Variants in PCID2 observed in about 807,000 individuals in gnomAD.
PCID2 encodes the protein PCI domain containing 2, also known as PCI domain-containing protein 2.
In PCID2, 41 loss-of-function variants were observed where a neutral mutation model predicts 61.3. The ratio of observed to expected loss-of-function variants is 0.67; its 90% confidence interval spans 0.52 to 0.87. The LOEUF (loss-of-function observed/expected upper bound fraction) is 0.87. Ranked by LOEUF, PCID2 falls within the 40% of genes least tolerant of loss-of-function variation. The pLI, the probability that PCID2 is intolerant of heterozygous loss-of-function variation, is 0.00. For synonymous variants in PCID2, 187 were observed against 177.8 expected (o/e 1.05, Z -0.41); for missense variants, 392 against 493.4 (o/e 0.79, Z 1.95).
rs1365007149 is a variant in PCID2 at position 113,179,936 on chromosome 13, T to G, written c.967A>C (p.Arg323=). 1.9e-6 allele frequency: 3 copies of G among 1,613,544 alleles called. No individual in the cohort carries two copies. Among genetic ancestry groups the G allele is most frequent in the Non-Finnish European group, 2.5e-6 (3 of 1,179,846 alleles). The change falls in exon 12 of 14, where the codon AGG becomes CGG. Residue 323 remains arginine, a synonymous_variant. Coordinates refer to ENST00000337344, the MANE Select transcript of PCID2 (RefSeq NM_001127202.4). The surrounding 1 kb of genome is among the most constrained non-coding windows in gnomAD (Gnocchi z 4.3). The part of the protein sequence containing the change: ...ILEKLKIITY[R]NLFKKVYLLL... ...GCTTACACTTTCTTAAAGAGGTTCC[T>G]GTAGGTGATGATCTTCAGCTTCTCC...
At chr13:113,182,866 AAAT>A (rs1179449768) in intron 9 of PCID2, among the ~76,000 whole-genome samples, 1 of 152,194 alleles carries the variant, frequency 6.6e-6, no homozygotes, top group Non-Finnish European at 1.5e-5. Flanking sequence ...ATTTTGCATC[AAAT>A]AATATATTTC....
In PCID2 at chr13:113,177,977, CTG is replaced by C; in HGVS notation, c.*219_*220del. 1 of 410,916 alleles carries C rather than the reference CTG, an allele frequency of 2.4e-6. No individual in the cohort carries two copies. The highest frequency in any genetic ancestry group is 4.4e-6 in the Non-Finnish European group (1 of 224,914). The allele number at this position is 410,916 out of a possible 1,614,324, so 25.5% of individuals were successfully genotyped here. A position where few individuals can be genotyped will look rare whatever the true frequency, so the allele number is the denominator to read the frequency against. ...ACAAAGACTCCAGAACCAGCCGAGT[CTG>C]TGAAAAAGGAATTCCAGGTTTTCAT... On this transcript the variant is annotated 3_prime_UTR_variant, in exon 14 of 14. Transcript: ENST00000337344.
intron 1 of PCID2, chr13:113,208,111 G>A (rs1348061866): frequency 1.4e-5 from 23 of 1,611,080 alleles, no homozygotes; most frequent in South Asian, 5.5e-5. Flanking sequence ...TTAAACGACA[G>A]CGAGGACGAG....
At chr13:113,170,585 T>C in the PCID2 span, 869 of 1,072,748 alleles carry the variant, frequency 8.1e-4, 3 homozygotes, top group Middle Eastern at 4.2e-3. Context: ...CACTATCCTA[T>C]GTAAGAATGA....
chr13:113,192,499 G>C (rs2038699167), intron 6 of PCID2, among the ~76,000 whole-genome samples: 1 of 152,122 alleles, frequency 6.6e-6, no homozygotes, highest in Admixed American at 6.5e-5. Context: ...TGGGCATCTG[G>C]CTGACCATAT....
intron 2 of PCID2, among the ~76,000 whole-genome samples, chr13:113,199,098 T>C (rs1459717119): frequency 1.3e-5 from 2 of 152,220 alleles, no homozygotes; most frequent in Non-Finnish European, 2.9e-5. Context: ...TTTTGCCAAC[T>C]TGACTAGCTG....
At chr13:113,207,562 A>T (rs962031783) in intron 1 of PCID2, among the ~76,000 whole-genome samples, 1 of 152,210 alleles carries the variant, frequency 6.6e-6, no homozygotes, top group Non-Finnish European at 1.5e-5. Context: ...TAAAAAAAAA[A>T]TTGGCAAGTG....
At chr13:113,171,831 T>C in the PCID2 span, 6 of 1,613,566 alleles carry the variant, frequency 3.7e-6, no homozygotes, top group African/African-American at 1.3e-5. This position sits in a 1 kb window ranked among gnomAD's most constrained non-coding sequence, Gnocchi z 5.1. Flanking sequence ...GGCACTGACC[T>C]GGGCAACTCG....
downstream of PCID2, among the ~76,000 whole-genome samples, chr13:113,176,904 A>G (rs1347913336): frequency 6.6e-6 from 1 of 152,158 alleles, no homozygotes; most frequent in Non-Finnish European, 1.5e-5. Flanking sequence ...TCAGACCTCC[A>G]GCCTCTAGAA....
intron 1 of PCID2, 26 bp downstream of exon 1, chr13:113,208,573 C>CCG: frequency 6.2e-7 from 1 of 1,605,574 alleles, no homozygotes; most frequent in Non-Finnish European, 8.5e-7. Flanking sequence ...AACCACGCCG[C>CCG]CGCGCGCTCC....
rs115847468 is a variant in PCID2 at position 113,194,208 on chromosome 13, G to C, written c.363+863C>G. Among the ~76,000 whole-genome samples the C allele has an allele frequency of 7.2e-3, 1,093 of 152,280 alleles. 18 individuals carry two copies. Among genetic ancestry groups the C allele is most frequent in the African/African-American group, 0.025 (1,022 of 41,560 alleles). The stretch of plus-strand genomic sequence containing the variant: ...CACCACTTTGCAGATGGGGTGGGAC[G>C]GACCTGCTGACTTCTTTGCGCCTGG... On this transcript the variant is annotated intron_variant, in intron 6 of 13. Transcript: ENST00000337344.
Position 113,200,388 on chromosome 13 carries a change from T to C in PCID2, c.126+39A>G, listed in dbSNP as rs747612634. The C allele has an allele frequency of 6.7e-6, 8 of 1,191,866 alleles. No individual in the cohort carries two copies. In the Middle Eastern group the frequency reaches 5.7e-4, roughly 85 times the overall value. The allele number at this position is 1,191,866 out of a possible 1,614,324, so 73.8% of individuals were successfully genotyped here. A position where few individuals can be genotyped will look rare whatever the true frequency, so the allele number is the denominator to read the frequency against. On this transcript the variant is annotated intron_variant, in intron 2 of 13. Coordinates refer to ENST00000337344, the MANE Select transcript of PCID2 (RefSeq NM_001127202.4). ...TCTTAGGAAAGTGGTTACCCTGTAATTGTCTGCAGACACCTGTGTGCACAG... is the reference window on the plus strand; with the variant it reads ...TCTTAGGAAAGTGGTTACCCTGTAACTGTCTGCAGACACCTGTGTGCACAG...
the PCID2 span, chr13:113,171,841 G>A: frequency 1.9e-5 from 31 of 1,613,502 alleles, no homozygotes; most frequent in Admixed American, 1.7e-4. This position sits in a 1 kb window ranked among gnomAD's most constrained non-coding sequence, Gnocchi z 5.1. Context: ...TGGGCAACTC[G>A]CTGACCACGC....
intron 9 of PCID2, among the ~76,000 whole-genome samples, chr13:113,182,531 T>C (rs2005225): frequency 0.92 from 140,101 of 152,158 alleles, 65,580 homozygotes; most frequent in East Asian, 1. Flanking sequence ...GATGGAGTCT[T>C]GCTCTGTCGC....
At chr13:113,181,512 G>A (rs752054986) in intron 9 of PCID2, among the ~76,000 whole-genome samples, 11 of 152,242 alleles carry the variant, frequency 7.2e-5, no homozygotes, top group Non-Finnish European at 1.6e-4. Flanking sequence ...AAGGTCAGCT[G>A]GCAAACCATT....
In PCID2 at chr13:113,179,987, T is replaced by C. The variant is rs765879346; in HGVS notation, c.916A>G (p.Ile306Val). ...AGGATGAGGAAGATTCCGCAGCGAATGAAGAAGGCCTCGTGCTTCGCCAGC... is the reference window on the plus strand; with the variant it reads ...AGGATGAGGAAGATTCCGCAGCGAACGAAGAAGGCCTCGTGCTTCGCCAGC... ...EALAKHEAFF[I>V]RCGIFLILEK... The change falls in exon 12 of 14, where the codon ATT becomes GTT. Residue 306 changes from isoleucine (I) to valine (V), a missense_variant. Coordinates refer to ENST00000337344, the MANE Select transcript of PCID2 (RefSeq NM_001127202.4). This position sits in a 1 kb window ranked among gnomAD's most constrained non-coding sequence, Gnocchi z 4.3. 2 of 1,613,998 alleles carry C rather than the reference T, an allele frequency of 1.2e-6. No individual in the cohort carries two copies. The highest frequency in any genetic ancestry group is 1.7e-5 in the Admixed American group (1 of 60,000).
At chr13:113,196,053 T>A in intron 5 of PCID2, 128 bp downstream of exon 5, 1 of 685,118 alleles carries the variant, frequency 1.5e-6, no homozygotes, top group South Asian at 1.8e-5. Flanking sequence ...TATTACCATA[T>A]GTCAACACAC....
chr13:113,208,606 A>C lies in PCID2; in HGVS notation c.29T>G (p.Leu10Arg). 1 of 1,607,422 alleles carries C rather than the reference A, an allele frequency of 6.2e-7. No individual in the cohort carries two copies. The highest frequency in any genetic ancestry group is 8.5e-7 in the Non-Finnish European group (1 of 1,177,476). Residue 10 changes from leucine to arginine, a missense_variant, in exon 1 of 14, where the codon CTG (leucine) becomes CGG (arginine). Leu to Arg is a moderately radical substitution (Grantham distance 102). This residue lies in a region of PCID2 where 155 missense variants were observed against 164.9 expected (regional missense o/e 0.94). Coordinates refer to ENST00000337344, the MANE Select transcript of PCID2 (RefSeq NM_001127202.4). ...TCCCCGGCTAGGACCCACCTGCTGCAGGTACTGGTTAATGGTAATGTGCGC... is the reference window on the plus strand; with the variant it reads ...TCCCCGGCTAGGACCCACCTGCTGCCGGTACTGGTTAATGGTAATGTGCGC... Reference protein sequence around the residue: MAHITINQYLQQVYEAIDSR... With the variant: MAHITINQYRQQVYEAIDSR...
rs192480713 is a variant in PCID2 at position 113,177,976 on chromosome 13, T to C, written c.*222A>G. ...CACAAAGACTCCAGAACCAGCCGAG[T>C]CTGTGAAAAAGGAATTCCAGGTTTT... On this transcript the variant is annotated 3_prime_UTR_variant, in exon 14 of 14. Transcript: ENST00000337344. 1 of 406,240 alleles carries C rather than the reference T, an allele frequency of 2.5e-6. No individual in the cohort carries two copies. Among genetic ancestry groups the C allele is most frequent in the African/African-American group, 2.0e-5 (1 of 49,202 alleles). The allele number at this position is 406,240 out of a possible 1,614,324, so 25.2% of individuals were successfully genotyped here. A position where few individuals can be genotyped will look rare whatever the true frequency, so the allele number is the denominator to read the frequency against.
Sources: allele counts gnomAD v4.1 joint callset (sites outside exome capture counted in the v4.1 genomes callset), GRCh38; gene constraint gnomAD v4.1.1; regional missense constraint gnomAD v4.1.1; non-coding constraint Gnocchi (gnomAD v3.1); transcripts MANE v1.5; gene names NCBI Gene and HGNC (gene_info 2026-07-23, HGNC 2026-07-21).